The following DPYD variants were observed in gnomAD, a reference collection of about 807,000 sequenced individuals.
DPYD encodes dihydropyrimidine dehydrogenase [NADP(+)].
In DPYD, 109 loss-of-function variants were observed where a neutral mutation model predicts 116.2. The observed-to-expected ratio is 0.94, with a 90% CI of 0.80 to 1.10. The LOEUF (loss-of-function observed/expected upper bound fraction) is 1.10, where lower values mean the gene tolerates loss of function less well. Among genes scored for constraint, DPYD ranks in the 50% least tolerant of loss-of-function variants. DPYD has a pLI of 0.00. For synonymous variants in DPYD, 440 were observed against 432.0 expected (o/e 1.02, Z -0.23); for missense variants, 1,302 against 1,254.5 (o/e 1.04, Z -0.57).
intron 4 of DPYD, among the ~76,000 whole-genome samples, chr1:97,736,605 G>C (rs4970728): frequency 0.85 from 129,415 of 152,188 alleles, 55,320 homozygotes; most frequent in East Asian, 0.98. Context: ...CGTGGAAAGA[G>C]GTAATTAGAA....
chr1:97,317,360 C>G (rs1007533751), intron 16 of DPYD, among the ~76,000 whole-genome samples: 5 of 151,986 alleles, frequency 3.3e-5, no homozygotes, highest in Admixed American at 1.3e-4. Context: ...AGCAGGTTTC[C>G]TAATCATTGC....
At chr1:97,453,069 C>A (rs1389945234) in intron 13 of DPYD, among the ~76,000 whole-genome samples, 1 of 152,042 alleles carries the variant, frequency 6.6e-6, no homozygotes, top group Non-Finnish European at 1.5e-5. Context: ...CACCCCCTCC[C>A]TTGGATAGAT....
intron 8 of DPYD, among the ~76,000 whole-genome samples, chr1:97,619,724 A>T (rs1459996479): frequency 6.6e-6 from 1 of 152,162 alleles, no homozygotes; most frequent in African/African-American, 2.4e-5. Context: ...TGATTTTACC[A>T]TTACACAAAC....
At chr1:97,250,521 T>C (rs1183230172) in intron 18 of DPYD, among the ~76,000 whole-genome samples, 1 of 152,104 alleles carries the variant, frequency 6.6e-6, no homozygotes, top group East Asian at 1.9e-4. Flanking sequence ...TAAACACATT[T>C]TGGTCAATCA....
At chr1:97,795,767 A>G (rs1187823061) in intron 3 of DPYD, among the ~76,000 whole-genome samples, 1 of 152,020 alleles carries the variant, frequency 6.6e-6, no homozygotes, top group Admixed American at 6.6e-5. Flanking sequence ...AATAAAAAAT[A>G]TGACTCATTC....
intron 17 of DPYD, 46 bp downstream of exon 17, chr1:97,306,131 G>T (rs978937476): frequency 6.2e-7 from 1 of 1,610,632 alleles, no homozygotes; most frequent in African/African-American, 1.3e-5. Flanking sequence ...CATAATGTGG[G>T]CCAATATTTA....
chr1:97,731,240 G>A (rs1312800791), intron 4 of DPYD, among the ~76,000 whole-genome samples: 1 of 151,994 alleles, frequency 6.6e-6, no homozygotes, highest in Non-Finnish European at 1.5e-5. Context: ...TTAATTGACA[G>A]ACTGTTGTGA....
chr1:97,724,873 G>C (rs1246124377), intron 4 of DPYD, among the ~76,000 whole-genome samples: 2 of 145,926 alleles, frequency 1.4e-5, no homozygotes, highest in Non-Finnish European at 3.0e-5. Context: ...AGGCATAAAA[G>C]GAAGGAGGAA....
chr1:97,751,772 A>AT (rs71071670), intron 3 of DPYD, among the ~76,000 whole-genome samples: 143,602 of 144,902 alleles, frequency 0.99, 71,154 homozygotes, highest in Middle Eastern at 1. Flanking sequence ...TCTAAAAACG[A>AT]TTTTTTTTTT....
intron 3 of DPYD, among the ~76,000 whole-genome samples, chr1:97,778,193 AGAGAG>A (rs1557954019): frequency 0.025 from 2,732 of 110,332 alleles, 52 homozygotes; most frequent in African/African-American, 0.056. Context: ...AAAGAAAGAG[AGAGAG>A]AGAGAGAGAG....
At chr1:97,857,713 TC>T (rs1670917007) in intron 2 of DPYD, among the ~76,000 whole-genome samples, 1 of 152,178 alleles carries the variant, frequency 6.6e-6, no homozygotes. Flanking sequence ...CAAGTGTTTC[TC>T]TGAGTCCTGT....
intron 8 of DPYD, among the ~76,000 whole-genome samples, chr1:97,646,112 G>A (rs1329453025): frequency 6.6e-6 from 1 of 151,986 alleles, no homozygotes; most frequent in Non-Finnish European, 1.5e-5. Flanking sequence ...GCATCCCAGG[G>A]CAAGTCTTTT....
chr1:97,582,500 T>C (rs1024465214), intron 10 of DPYD, among the ~76,000 whole-genome samples: 6 of 152,214 alleles, frequency 3.9e-5, no homozygotes, highest in African/African-American at 1.4e-4. Context: ...TATTCTTTAA[T>C]TTACTAAACA....
intron 20 of DPYD, among the ~76,000 whole-genome samples, chr1:97,102,495 C>CTA (rs1650804980): frequency 1.9e-5 from 1 of 51,322 alleles, no homozygotes; most frequent in Non-Finnish European, 3.5e-5. Context: ...ATCTATCTAT[C>CTA]TCCTTTATAC....
intron 12 of DPYD, among the ~76,000 whole-genome samples, chr1:97,519,603 T>C (rs896670630): frequency 6.6e-6 from 1 of 152,154 alleles, no homozygotes; most frequent in Non-Finnish European, 1.5e-5. Context: ...TGTATTATTA[T>C]GTAGAGCTAG....
intron 5 of DPYD, among the ~76,000 whole-genome samples, chr1:97,714,653 G>GACAAAAAAAAAAAAAAAAAA (rs1662503387): frequency 3.8e-5 from 1 of 26,268 alleles, no homozygotes; most frequent in Non-Finnish European, 8.2e-5. Context: ...AAAAAGAAAA[G>GACAAAAAAAAAAAAAAAAAA]ACAAAAAAAA....
chr1:97,766,584 C>T (rs561055846), intron 3 of DPYD, among the ~76,000 whole-genome samples: 6 of 152,214 alleles, frequency 3.9e-5, no homozygotes, highest in African/African-American at 1.4e-4. Context: ...TTTGTTAACA[C>T]CTCTGAAAGA....
intron 18 of DPYD, among the ~76,000 whole-genome samples, chr1:97,255,624 T>C (rs1663400188): frequency 6.6e-6 from 1 of 152,086 alleles, no homozygotes; most frequent in African/African-American, 2.4e-5. Flanking sequence ...CTCCTTCTTT[T>C]GTAAATTGTC....
At chr1:97,460,776 T>C (rs554526275) in intron 13 of DPYD, among the ~76,000 whole-genome samples, 14 of 152,240 alleles carry the variant, frequency 9.2e-5, no homozygotes, top group Non-Finnish European at 1.8e-4. Flanking sequence ...CGGTGGCTCA[T>C]GCCTGTAATC....
Sources: allele counts gnomAD v4.1 joint callset (sites outside exome capture counted in the v4.1 genomes callset), GRCh38; gene constraint gnomAD v4.1.1; transcripts MANE v1.5; gene names NCBI Gene and HGNC (gene_info 2026-07-23, HGNC 2026-07-21).